The following DRC9 variants were observed in gnomAD, a reference collection of about 807,000 sequenced individuals.
The protein encoded by DRC9 is dynein regulatory complex subunit 9, also known as dynein regulatory complex protein 9.
chr3:197,938,053 C>A, the DRC9 span, among the ~76,000 whole-genome samples: 6 of 152,152 alleles, frequency 3.9e-5, no homozygotes, highest in African/African-American at 1.4e-4. Flanking sequence ...CGGTGGCTCA[C>A]GCCTGTAATC....
At chr3:197,913,345 C>CGTGT in the DRC9 span, 2 of 225,504 alleles carry the variant, frequency 8.9e-6, no homozygotes, top group Non-Finnish European at 1.7e-5. Flanking sequence ...TGCGTGCGTG[C>CGTGT]GTGTGTGCGT....
chr3:197,889,738 T>C, the DRC9 span: 1 of 1,610,332 alleles, frequency 6.2e-7, no homozygotes, highest in East Asian at 2.2e-5. Flanking sequence ...GGGGAGTGAG[T>C]ACGACGTATG....
At chr3:197,936,854 G>A in the DRC9 span, among the ~76,000 whole-genome samples, 1 of 152,082 alleles carries the variant, frequency 6.6e-6, no homozygotes, top group African/African-American at 2.4e-5. Flanking sequence ...AGAATGAAAA[G>A]GACATGAAGC....
chr3:197,929,371 T>C, the DRC9 span, among the ~76,000 whole-genome samples: 1 of 152,236 alleles, frequency 6.6e-6, no homozygotes, highest in Admixed American at 6.5e-5. The surrounding 1 kb of genome is among the most constrained non-coding windows in gnomAD (Gnocchi z 4.6). Flanking sequence ...TACAGTGCAG[T>C]GTTGCCCACA....
At chr3:197,913,719 A>G in the DRC9 span, 1 of 786,246 alleles carries the variant, frequency 1.3e-6, no homozygotes, top group African/African-American at 1.7e-5. Flanking sequence ...GCGAACACGC[A>G]TATCCTCATT....
chr3:197,934,641 G>A, the DRC9 span, among the ~76,000 whole-genome samples: 7 of 152,184 alleles, frequency 4.6e-5, no homozygotes, highest in South Asian at 1.2e-3. Flanking sequence ...TTCCTAACGC[G>A]TAGTCCGCTG....
At chr3:197,903,377 T>C in the DRC9 span, among the ~76,000 whole-genome samples, 1 of 152,186 alleles carries the variant, frequency 6.6e-6, no homozygotes, top group Non-Finnish European at 1.5e-5. Flanking sequence ...CCAGGTGTGG[T>C]GGCTCACACC....
At chr3:197,952,674 A>G in the DRC9 span, 1 of 151,634 alleles carries the variant, frequency 6.6e-6, no homozygotes, top group African/African-American at 2.4e-5. Flanking sequence ...TTATGTTTTT[A>G]GTAGAAACGG....
At chr3:197,897,108 T>A in the DRC9 span, among the ~76,000 whole-genome samples, 1 of 152,024 alleles carries the variant, frequency 6.6e-6, no homozygotes, top group Admixed American at 6.6e-5. Flanking sequence ...AAATATTTCA[T>A]TACTACAGAA....
At chr3:197,912,587 G>A in the DRC9 span, 1 of 945,382 alleles carries the variant, frequency 1.1e-6, no homozygotes, top group Non-Finnish European at 1.7e-6. Flanking sequence ...ATGATGGTTG[G>A]TTTTCCTTCA....
chr3:197,920,355 T>C, the DRC9 span, among the ~76,000 whole-genome samples: 1 of 151,334 alleles, frequency 6.6e-6, no homozygotes, highest in Non-Finnish European at 1.5e-5. Context: ...GTAGGACTAG[T>C]TACTTGGGAA....
At chr3:197,912,812 G>A in the DRC9 span, 4 of 1,351,976 alleles carry the variant, frequency 3.0e-6, no homozygotes, top group South Asian at 4.7e-5. Context: ...AAGTTCTCAA[G>A]ATGAGAGCAG....
chr3:197,950,859 A>T, the DRC9 span: 1 of 1,359,634 alleles, frequency 7.4e-7, no homozygotes, highest in Non-Finnish European at 1.0e-6. Flanking sequence ...AATTTGCTTT[A>T]GGGGCTTAAA....
chr3:197,940,187 G>C, the DRC9 span, among the ~76,000 whole-genome samples: 37,319 of 151,470 alleles, frequency 0.25, 5,756 homozygotes, highest in African/African-American at 0.45. Context: ...GTAGAGATGA[G>C]GTTTCGCCAT....
chr3:197,904,634 G>T, the DRC9 span, among the ~76,000 whole-genome samples: 2 of 152,184 alleles, frequency 1.3e-5, no homozygotes, highest in Non-Finnish European at 2.9e-5. Flanking sequence ...GGAGGCCGAG[G>T]CAGATCACCT....
At chr3:197,915,593 G>A in the DRC9 span, among the ~76,000 whole-genome samples, 1 of 152,122 alleles carries the variant, frequency 6.6e-6, no homozygotes, top group African/African-American at 2.4e-5. Context: ...GCTTCAACCC[G>A]AGACCTGCTC....
At chr3:197,933,174 A>G in the DRC9 span, among the ~76,000 whole-genome samples, 3 of 150,114 alleles carry the variant, frequency 2.0e-5, no homozygotes, top group East Asian at 5.8e-4. Context: ...CACACAAGTT[A>G]AGACCCAGGC....
At chr3:197,950,702 C>G in the DRC9 span, 1 of 565,028 alleles carries the variant, frequency 1.8e-6, no homozygotes, top group Non-Finnish European at 3.1e-6. Context: ...TTTGTGACTC[C>G]TGTCCCTTAG....
chr3:197,956,093 A>C, the DRC9 span: 1 of 335,954 alleles, frequency 3.0e-6, no homozygotes, highest in Non-Finnish European at 5.7e-6. Context: ...AGTAGCTGGG[A>C]CCACAGGCTC....
Sources: gnomAD v4.1 joint callset for allele counts (sites outside exome capture counted in the v4.1 genomes callset) on GRCh38, gnomAD v4.1.1 for gene constraint, Gnocchi (gnomAD v3.1) non-coding constraint, MANE v1.5 for transcripts, NCBI Gene and HGNC (gene_info 2026-07-23, HGNC 2026-07-21) for gene names.